The following ZNF618 variants were observed in gnomAD, a reference collection of about 807,000 sequenced individuals.
ZNF618 encodes the protein neural precursor cell expressed, developmentally down-regulated 10.
A neutral mutation model predicts 103.0 loss-of-function variants in ZNF618; 34 were observed. The observed-to-expected ratio is 0.33, with a 90% CI of 0.25 to 0.44. The LOEUF (loss-of-function observed/expected upper bound fraction) is 0.44, where lower values mean the gene tolerates loss of function less well. Ranked by LOEUF, ZNF618 falls within the 20% of genes least tolerant of loss-of-function variation. The pLI, the probability that ZNF618 is intolerant of heterozygous loss-of-function variation, is 1.00. For missense variants in ZNF618, 1,059 were observed against 1,295.4 expected (o/e 0.82, Z 2.80); for synonymous variants, 551 against 542.2 (o/e 1.02, Z -0.23).
chr9:113,974,456 G>T (rs1010743523), intron 2 of ZNF618, among the ~76,000 whole-genome samples: 2 of 152,230 alleles, frequency 1.3e-5, no homozygotes, highest in African/African-American at 4.8e-5. Flanking sequence ...TTTGAACAGA[G>T]AAGTGGCATA....
intron 2 of ZNF618, among the ~76,000 whole-genome samples, chr9:113,981,515 C>T (rs1838972266): frequency 6.6e-6 from 1 of 152,218 alleles, no homozygotes; most frequent in Non-Finnish European, 1.5e-5. Context: ...GGGTGCTGAG[C>T]ATTGCTCACG....
chr9:113,921,960 A>G (rs4979298), intron 1 of ZNF618, among the ~76,000 whole-genome samples: 92,949 of 151,724 alleles, frequency 0.61, 28,651 homozygotes, highest in Admixed American at 0.68. Flanking sequence ...AGGAAGTTCC[A>G]ATGAGCAAAA....
chr9:113,919,996 CAG>C (rs1197344930), intron 1 of ZNF618, among the ~76,000 whole-genome samples: 1 of 152,212 alleles, frequency 6.6e-6, no homozygotes, highest in African/African-American at 2.4e-5. Flanking sequence ...CTGGGCTACA[CAG>C]GGGCCTGACA....
intron 5 of ZNF618, 35 bp downstream of exon 5, chr9:114,002,108 C>T (rs1841281541): frequency 1.3e-6 from 2 of 1,584,042 alleles, no homozygotes; most frequent in East Asian, 4.5e-5. Context: ...AGCCCAGGGG[C>T]CGCACCTCCC....
rs1219642505 is a variant in ZNF618 at position 113,951,551 on chromosome 9, A to ATG, written c.34-17558_34-17557dup. Among the ~76,000 whole-genome samples, 17 of 51,196 alleles carry ATG rather than the reference A, an allele frequency of 3.3e-4. 1 individual carries two copies. Among genetic ancestry groups the ATG allele is most frequent in the African/African-American group, 6.2e-4 (11 of 17,880 alleles). The allele number at this position is 51,196 out of a possible 152,430, so 33.6% of individuals were successfully genotyped here. On this transcript the variant is annotated intron_variant, in intron 1 of 14. Coordinates refer to ENST00000374126, the MANE Select transcript of ZNF618 (RefSeq NM_001318042.2). ...CATATGTGTGTACATATGTACACAT[A>ATG]TGTGTGTGTATATGTGTGTGTGTAT...
At chr9:113,952,965 C>G (rs912903038) in intron 1 of ZNF618, among the ~76,000 whole-genome samples, 3 of 152,236 alleles carry the variant, frequency 2.0e-5, no homozygotes, top group African/African-American at 7.2e-5. Flanking sequence ...AGATCAGACA[C>G]ATTTAATGAG....
rs1838865839 is a variant in ZNF618 at position 113,980,390 on chromosome 9, A to C, written c.78-7931A>C. Reference sequence around the variant, plus strand: ...CAGGTCTGGAGTTCGGTGGGGGGCCAGTCCAAGCTGGAGATACAATTTGGG... The same window carrying C: ...CAGGTCTGGAGTTCGGTGGGGGGCCCGTCCAAGCTGGAGATACAATTTGGG... On this transcript the variant is annotated intron_variant, in intron 2 of 14. Coordinates refer to ENST00000374126, the MANE Select transcript of ZNF618 (RefSeq NM_001318042.2). Among the ~76,000 whole-genome samples the C allele has an allele frequency of 2.6e-5, 4 of 152,004 alleles. No homozygotes were observed. The South Asian group carries it at 8.3e-4, about 32-fold the overall frequency.
intron 1 of ZNF618, among the ~76,000 whole-genome samples, chr9:113,902,219 G>A (rs1046141975): frequency 1.1e-4 from 17 of 152,224 alleles, no homozygotes; most frequent in Admixed American, 3.3e-4. Context: ...TCTCTGTTTC[G>A]TCTTTGTAAA....
intron 1 of ZNF618, among the ~76,000 whole-genome samples, chr9:113,937,905 T>C (rs1834168883): frequency 6.6e-6 from 1 of 152,174 alleles, no homozygotes; most frequent in Admixed American, 6.5e-5. Context: ...TTACTTTGCC[T>C]TCCTAGTGTG....
At chr9:114,006,377 C>G (rs768376294) in intron 6 of ZNF618, among the ~76,000 whole-genome samples, 2 of 152,228 alleles carry the variant, frequency 1.3e-5, no homozygotes, top group Non-Finnish European at 2.9e-5. Context: ...TTGAGCATAT[C>G]ACCAAGCCTC....
At chr9:113,911,123 C>T (rs947104308) in intron 1 of ZNF618, among the ~76,000 whole-genome samples, 14 of 152,252 alleles carry the variant, frequency 9.2e-5, no homozygotes, top group African/African-American at 3.1e-4. Context: ...AGTGAGCCAC[C>T]GCGCCCGGCC....
intron 4 of ZNF618, among the ~76,000 whole-genome samples, chr9:114,000,963 A>C (rs1329265664): frequency 6.6e-6 from 1 of 152,206 alleles, no homozygotes; most frequent in Non-Finnish European, 1.5e-5. Flanking sequence ...CAGCCACTCT[A>C]GATCGCTAAG....
At chr9:113,951,475 G>GTGTATATA (rs1564207329) in intron 1 of ZNF618, among the ~76,000 whole-genome samples, 7 of 27,384 alleles carry the variant, frequency 2.6e-4, no homozygotes, top group South Asian at 2.4e-3. Context: ...ATGTGTGTAT[G>GTGTATATA]TGTACACATA....
At chr9:113,997,071 C>T (rs1446782368) in intron 3 of ZNF618, among the ~76,000 whole-genome samples, 4 of 150,426 alleles carry the variant, frequency 2.7e-5, no homozygotes, top group African/African-American at 9.8e-5. Context: ...TTTTTTTTTT[C>T]TTCTTCTTCC....
rs1036745677 is a variant in ZNF618 at position 114,051,210 on chromosome 9, T to A, written c.*1043T>A. 4 of 152,806 alleles carry A rather than the reference T, an allele frequency of 2.6e-5. No homozygotes were observed. The highest frequency in any genetic ancestry group is 5.9e-5 in the Non-Finnish European group (4 of 68,086). 9.5% of individuals were successfully genotyped at this position (152,806 alleles called of 1,614,324 possible). On this transcript the variant is annotated 3_prime_UTR_variant, in exon 15 of 15. Coordinates refer to ENST00000374126, the MANE Select transcript of ZNF618 (RefSeq NM_001318042.2). ...GCCCCTTTTGTTCCTCAAGTCACAC[T>A]GTAAACTAGCTCATCTCTGTGGTGT... is the stretch of plus-strand genomic sequence containing the variant.
At chr9:114,013,662 A>G (rs1842436421) in intron 9 of ZNF618, among the ~76,000 whole-genome samples, 1 of 152,058 alleles carries the variant, frequency 6.6e-6, no homozygotes, top group South Asian at 2.1e-4. Flanking sequence ...TGATCTCCTG[A>G]CCTTGTGATC....
chr9:113,929,802 GT>G (rs1428666687), intron 1 of ZNF618, among the ~76,000 whole-genome samples: 2 of 152,198 alleles, frequency 1.3e-5, no homozygotes, highest in African/African-American at 4.8e-5. Context: ...TAAGGAAATG[GT>G]TTTGGAATGA....
chr9:113,908,845 T>C (rs4979296), intron 1 of ZNF618, among the ~76,000 whole-genome samples: 61,040 of 151,602 alleles, frequency 0.4, 13,574 homozygotes, highest in Non-Finnish European at 0.51. Context: ...AAGAAACAGG[T>C]CTTGCCCTTC....
chr9:113,979,175 G>A (rs766287181), intron 2 of ZNF618, among the ~76,000 whole-genome samples: 1 of 152,174 alleles, frequency 6.6e-6, no homozygotes, highest in African/African-American at 2.4e-5. Context: ...AACAGGGCAG[G>A]AGCCTGTTAG....
Sources: allele counts gnomAD v4.1 joint callset (sites outside exome capture counted in the v4.1 genomes callset), GRCh38; gene constraint gnomAD v4.1.1; transcripts MANE v1.5; gene names NCBI Gene and HGNC (gene_info 2026-07-23, HGNC 2026-07-21).